IDI2: variants seen among roughly 807,000 people sequenced by gnomAD.
IDI2 encodes isopentenyl-diphosphate delta isomerase 2, also known as isopentenyl-diphosphate delta-isomerase 2.
IDI2 carries 18 observed loss-of-function variants against 14.8 expected under a neutral mutation model. The observed-to-expected ratio is 1.22, with a 90% confidence interval of 0.84 to 1.80. The LOEUF (loss-of-function observed/expected upper bound fraction) is 1.80, where lower values mean the gene tolerates loss of function less well. Ranked by LOEUF, IDI2 falls within the 40% of genes most tolerant of loss-of-function variation. IDI2 has a pLI of 0.00. For synonymous variants in IDI2, 133 were observed against 109.6 expected (o/e 1.21, Z -1.33); for missense variants, 316 against 283.2 (o/e 1.12, Z -0.83).
At chr10:1,025,366 C>T (rs1453327819) in intron 1 of IDI2, among the ~76,000 whole-genome samples, 2 of 151,872 alleles carry the variant, frequency 1.3e-5, no homozygotes, top group African/African-American at 4.8e-5. Flanking sequence ...ATGGTGGAAC[C>T]CTCTCTCTAC....
chr10:1,022,862 G>A (rs3750729), intron 2 of IDI2, 87 bp from the exon 3 acceptor site: 562,464 of 1,009,026 alleles, frequency 0.56, 158,955 homozygotes, highest in African/African-American at 0.67. Context: ...TCTGTTTCTC[G>A]TAGAAAAGCC....
In IDI2 at chr10:1,022,663, G is replaced by A. The variant is rs754899707; in HGVS notation, c.235+20C>T. On this transcript the variant is annotated intron_variant, in intron 3 of 4. Coordinates refer to ENST00000277517, the MANE Select transcript of IDI2 (RefSeq NM_033261.3). The stretch of plus-strand genomic sequence containing the variant: ...CATGAGATGCTCTCTTCAGTCCGGG[G>A]CTTGGTTGAACGGACTCACCAGGAA... 11 of 1,569,536 alleles carry A rather than the reference G, an allele frequency of 7.0e-6. 1 individual carries two copies. The Admixed American group carries it at 8.3e-5, about 12-fold the overall frequency.
rs192462271 is a variant in IDI2 at position 1,020,887 on chromosome 10, G to A, written c.246C>T (p.Thr82=). ...DTKVTFPGYF[T]DSCSSHPLYN... is the part of the protein sequence containing the mutation. ...ATAATGGGTGGCTACTACAGGAGTC[G>A]GTAAAATACCCTGGAAAAAATGCAT... The change falls in exon 4 of 5, where the codon ACC becomes ACT. Residue 82 remains threonine (T), a synonymous_variant. Coordinates refer to ENST00000277517, the MANE Select transcript of IDI2 (RefSeq NM_033261.3). 11 of 1,610,720 alleles carry A rather than the reference G, an allele frequency of 6.8e-6. No homozygotes were observed. The highest frequency in any genetic ancestry group is 4.0e-5 in the African/African-American group (3 of 74,818).
chr10:1,025,755 A>G (rs981178288), intron 1 of IDI2, 61 bp downstream of exon 1: 1 of 152,214 alleles, frequency 6.6e-6, no homozygotes, highest in African/African-American at 2.4e-5. Flanking sequence ...CAATTACTGA[A>G]TATGTACAAA....
In IDI2 at chr10:1,020,868, G is replaced by C; in HGVS notation, c.265C>G (p.Pro89Ala). ...GYFTDSCSSH[P>A]LYNPAELEEK... ...TCCAGTTCTGCTGGGTTGTATAATG[G>C]GTGGCTACTACAGGAGTCGGTAAAA... Residue 89 changes from proline (P) to alanine (A), a missense_variant, in exon 4 of 5, where the codon CCA becomes GCA. Physicochemically the swap from Pro to Ala is conservative, Grantham distance 27. Transcript: ENST00000277517. 1 of 1,613,762 alleles carries C rather than the reference G, an allele frequency of 6.2e-7. No homozygotes were observed. Among genetic ancestry groups the C allele is most frequent in the African/African-American group, 1.3e-5 (1 of 75,002 alleles).
intron 3 of IDI2, 71 bp downstream of exon 3, chr10:1,022,612 T>C (rs776091628): frequency 6.8e-6 from 8 of 1,170,860 alleles, no homozygotes; most frequent in Admixed American, 5.1e-5. Flanking sequence ...AGAGAGTTCC[T>C]GTCCCAGATT....
intron 4 of IDI2, among the ~76,000 whole-genome samples, chr10:1,020,227 CT>C (rs67920739): frequency 1.6e-3 from 230 of 144,230 alleles, no homozygotes; most frequent in Non-Finnish European, 1.6e-3. Context: ...GAATTTCTTT[CT>C]TTTTTTTTTT....
Position 1,019,783 on chromosome 10 carries a change from AT to A in IDI2, c.417del (p.Lys139AsnfsTer17). 1 of 1,613,986 alleles carries A rather than the reference AT, an allele frequency of 6.2e-7. No individual in the cohort carries two copies. The highest frequency in any genetic ancestry group is 8.5e-7 in the Non-Finnish European group (1 of 1,180,000). On this transcript the variant is annotated frameshift_variant, in exon 5 of 5. Coordinates refer to ENST00000277517, the MANE Select transcript of IDI2 (RefSeq NM_033261.3). LOFTEE classifies it low-confidence loss of function (END_TRUNC). ...VFMTIYHHKA[K>X]SDRIWGEHEI... ...TCATGCTCTCCCCAAATTCTGTCTGATTTTGCCTTGTGGTGATAGATTGTCA... is the reference window on the plus strand; with the variant it reads ...TCATGCTCTCCCCAAATTCTGTCTGATTTGCCTTGTGGTGATAGATTGTCA...
chr10:1,020,827 G>A lies in IDI2; in HGVS notation c.306C>T (p.Ile102=), dbSNP rs748387645. 8.7e-6 allele frequency: 14 copies of A among 1,613,978 alleles called. No individual in the cohort carries two copies. Among genetic ancestry groups the A allele is most frequent in the South Asian group, 4.4e-5 (4 of 91,042 alleles). ...GCCTCTGGGCTGCCCTCCTCACTCC[G>A]ATGGCATCCTTTTCTTCCAGTTCTG... ...NPAELEEKDA[I]GVRRAAQRRL... is the part of the protein sequence containing the mutation. The change falls in exon 4 of 5, where the codon ATC becomes ATT. Residue 102 remains isoleucine, a synonymous_variant. Coordinates refer to ENST00000277517, the MANE Select transcript of IDI2 (RefSeq NM_033261.3).
At chr10:1,020,686 C>G (rs1832076113) in intron 4 of IDI2, 81 bp downstream of exon 4, 1 of 1,407,682 alleles carries the variant, frequency 7.1e-7, no homozygotes, top group African/African-American at 1.4e-5. Context: ...TGGTGTAGAT[C>G]CAGCCTGGAC....
intron 4 of IDI2, 41 bp from the exon 5 acceptor site, chr10:1,019,875 A>G (rs750931570): frequency 7.4e-6 from 10 of 1,346,212 alleles, no homozygotes; most frequent in Admixed American, 1.8e-5. Context: ...ACGCTAATGT[A>G]AAACACAGAA....
At chr10:1,023,785 T>C (rs903923139) in intron 2 of IDI2, among the ~76,000 whole-genome samples, 1 of 152,196 alleles carries the variant, frequency 6.6e-6, no homozygotes, top group African/African-American at 2.4e-5. Flanking sequence ...AACAACAGTG[T>C]ATTATATGTT....
At chr10:1,020,074 C>T (rs978488198) in intron 4 of IDI2, 29 of 556,100 alleles carry the variant, frequency 5.2e-5, no homozygotes, top group African/African-American at 1.9e-4. Context: ...AAGAACTAAC[C>T]GTGTCACACA....
chr10:1,024,993 A>G (rs1300214491), intron 1 of IDI2, among the ~76,000 whole-genome samples: 8 of 133,854 alleles, frequency 6.0e-5, no homozygotes, highest in African/African-American at 2.1e-4. Context: ...GTGACGAGTT[A>G]AAGAATCCCC....
At chr10:1,024,359 G>A (rs1242488320) in intron 2 of IDI2, among the ~76,000 whole-genome samples, 1 of 152,150 alleles carries the variant, frequency 6.6e-6, no homozygotes, top group Non-Finnish European at 1.5e-5. Context: ...GGAAGAGCAC[G>A]GATGCCTAGG....
chr10:1,023,808 G>T (rs1832162348), intron 2 of IDI2, among the ~76,000 whole-genome samples: 1 of 152,186 alleles, frequency 6.6e-6, no homozygotes, highest in Admixed American at 6.5e-5. Flanking sequence ...AATGTGGCTA[G>T]AACAGAGGAT....
At chr10:1,020,709 C>T in intron 4 of IDI2, 58 bp downstream of exon 4, 1 of 1,396,782 alleles carries the variant, frequency 7.2e-7, no homozygotes, top group Admixed American at 2.4e-5. Flanking sequence ...TGTTCACCGT[C>T]TGCCCGCTGC....
Position 1,018,983 on chromosome 10 carries a change from G to A in IDI2, c.*534C>T, listed in dbSNP as rs948313915. 2 of 153,140 alleles carry A rather than the reference G, an allele frequency of 1.3e-5. No individual in the cohort carries two copies. Among genetic ancestry groups the A allele is most frequent in the Admixed American group, 1.3e-4 (2 of 15,422 alleles). The allele number at this position is 153,140 out of a possible 1,614,324, so 9.5% of individuals were successfully genotyped here. A position where few individuals can be genotyped will look rare whatever the true frequency, so the allele number is the denominator to read the frequency against. Reference sequence around the variant, plus strand: ...AAATGAACAGAAGTGGATAAACGTCGAGTCACTTGGCTGAGACCATACGCA... The same window carrying A: ...AAATGAACAGAAGTGGATAAACGTCAAGTCACTTGGCTGAGACCATACGCA... On this transcript the variant is annotated 3_prime_UTR_variant, in exon 5 of 5. Coordinates refer to ENST00000277517, the MANE Select transcript of IDI2 (RefSeq NM_033261.3).
rs1564474379 is a variant in IDI2, at chr10:1,020,836, C to CT, written c.296dup (p.Asp100GlyfsTer49). 6.8e-6 allele frequency: 11 copies of CT among 1,614,032 alleles called. No individual in the cohort carries two copies. Among genetic ancestry groups the CT allele is most frequent in the Non-Finnish European group, 9.3e-6 (11 of 1,179,952 alleles). On this transcript the variant is annotated frameshift_variant, in exon 4 of 5. Coordinates refer to ENST00000277517, the MANE Select transcript of IDI2 (RefSeq NM_033261.3). LOFTEE classifies it high-confidence loss of function. Reference sequence around the variant, plus strand: ...CTGCCCTCCTCACTCCGATGGCATCCTTTTCTTCCAGTTCTGCTGGGTTGT... The same window carrying CT: ...CTGCCCTCCTCACTCCGATGGCATCCTTTTTCTTCCAGTTCTGCTGGGTTGT...
Sources: allele counts gnomAD v4.1 joint callset (sites outside exome capture counted in the v4.1 genomes callset), GRCh38; gene constraint gnomAD v4.1.1; transcripts MANE v1.5; gene names NCBI Gene and HGNC (gene_info 2026-07-23, HGNC 2026-07-21).